RASAL2: variants seen among roughly 807,000 people sequenced by gnomAD.
The protein encoded by RASAL2 is ras GTPase-activating protein nGAP.
In RASAL2, 58 loss-of-function variants were observed where a neutral mutation model predicts 128.9. The observed-to-expected ratio is 0.45, with a 90% CI of 0.36 to 0.56. The LOEUF is 0.56. Among genes scored for constraint, RASAL2 ranks in the 20% least tolerant of loss-of-function variants. The pLI, the probability that RASAL2 is intolerant of heterozygous loss-of-function variation, is 0.00. For missense variants in RASAL2, 1,360 were observed against 1,601.6 expected (o/e 0.85, Z 2.57); for synonymous variants, 561 against 580.8 (o/e 0.97, Z 0.49).
intron 1 of RASAL2, among the ~76,000 whole-genome samples, chr1:178,249,400 A>G: frequency 6.6e-6 from 1 of 151,912 alleles, no homozygotes; most frequent in Admixed American, 6.6e-5. Context: ...CAGGTCATTT[A>G]TGTTCTTCTC....
intron 2 of RASAL2, 43 bp downstream of exon 2, chr1:178,283,734 G>C (rs1571775888): frequency 1.3e-6 from 2 of 1,595,914 alleles, no homozygotes; most frequent in East Asian, 4.5e-5. Context: ...CCTTTTCTGA[G>C]TAAATTCCTG....
intron 1 of RASAL2, among the ~76,000 whole-genome samples, chr1:178,191,375 G>A (rs1161895232): frequency 6.6e-6 from 1 of 151,252 alleles, no homozygotes; most frequent in Non-Finnish European, 1.5e-5. Context: ...ACAAAAACAA[G>A]CCATAATTTT....
At chr1:178,283,786 T>TA in intron 2 of RASAL2, 95 bp downstream of exon 2, 1 of 1,471,424 alleles carries the variant, frequency 6.8e-7, no homozygotes, top group South Asian at 1.2e-5. Context: ...AGTTGGATTA[T>TA]AAAAATAAAG....
chr1:178,269,028 C>G (rs1274708142), intron 1 of RASAL2, among the ~76,000 whole-genome samples: 1 of 152,092 alleles, frequency 6.6e-6, no homozygotes, highest in Non-Finnish European at 1.5e-5. Flanking sequence ...TATGTTGAAG[C>G]CTTCTATCTG....
At chr1:178,348,696 C>CA (rs1670278479) in intron 3 of RASAL2, among the ~76,000 whole-genome samples, 1 of 151,986 alleles carries the variant, frequency 6.6e-6, no homozygotes, top group South Asian at 2.1e-4. Context: ...AAAACAAAAA[C>CA]AAAAAACTCT....
chr1:178,301,037 AG>A lies in RASAL2; in HGVS notation c.457+924del, dbSNP rs530827616. On this transcript the variant is annotated intron_variant, in intron 3 of 17. Coordinates refer to ENST00000367649, the MANE Select transcript of RASAL2 (RefSeq NM_170692.4). ...ATCATGGTTTGGTTTGGGATTTTGG[AG>A]GGGGTTGCCTTTTTCTTCATTTCTA... Among the ~76,000 whole-genome samples the A allele has an allele frequency of 1.4e-4, 21 of 152,240 alleles. No individual in the cohort carries two copies. The South Asian group carries it at 3.9e-3, about 29-fold the overall frequency.
In RASAL2 at chr1:178,256,190, A is replaced by G. The variant is rs186718360; in HGVS notation, c.203-27374A>G. ...ATGTGGGATGTATCCCAGGAATGCT[A>G]GGTTGTTTGAACATAAGAAAATCAA... On this transcript the variant is annotated intron_variant, in intron 1 of 17. Coordinates refer to ENST00000367649, the MANE Select transcript of RASAL2 (RefSeq NM_170692.4). Among the ~76,000 whole-genome samples, 131 of 152,358 alleles carry G rather than the reference A, an allele frequency of 8.6e-4. No individual in the cohort carries two copies. In the Middle Eastern group the frequency reaches 0.01, roughly 12 times the overall value.
chr1:178,210,426 T>G (rs908799279), intron 1 of RASAL2, among the ~76,000 whole-genome samples: 4 of 152,230 alleles, frequency 2.6e-5, no homozygotes, highest in Admixed American at 1.3e-4. Flanking sequence ...CTTCCTTATC[T>G]TTGATTGTGT....
chr1:178,456,773 A>G lies in RASAL2; in HGVS notation c.2264A>G (p.Lys755Arg). The change falls in exon 13 of 18, where the codon AAG becomes AGG. Residue 755 changes from lysine to arginine, a missense_variant. Around this residue, in one of 3 missense-constraint regions of RASAL2, gnomAD observed 741 missense variants for 868.6 expected, o/e 0.85. Coordinates refer to ENST00000367649, the MANE Select transcript of RASAL2 (RefSeq NM_170692.4). ...CCTCGTGTTCTTGCTGATATTACCA[A>G]GTCATTGACTAATCCTACGCCAATA... is the stretch of plus-strand genomic sequence containing the variant. The part of the protein sequence containing the change: ...PLPRVLADIT[K>R]SLTNPTPIQQ... 1 of 1,614,180 alleles carries G rather than the reference A, an allele frequency of 6.2e-7. No individual in the cohort carries two copies.
intron 2 of RASAL2, among the ~76,000 whole-genome samples, chr1:178,292,150 T>C (rs1667308341): frequency 6.6e-6 from 1 of 152,058 alleles, no homozygotes; most frequent in South Asian, 2.1e-4. Flanking sequence ...CCTGCTAAAA[T>C]TATCTAAAAA....
intron 1 of RASAL2, among the ~76,000 whole-genome samples, chr1:178,165,207 GTATC>G (rs943317632): frequency 1.3e-5 from 2 of 151,944 alleles, no homozygotes; most frequent in African/African-American, 4.8e-5. Context: ...ATGTGTGTGT[GTATC>G]TATAGTTACA....
chr1:178,165,027 ATAAT>A (rs1571570847), intron 1 of RASAL2, among the ~76,000 whole-genome samples: 1 of 152,156 alleles, frequency 6.6e-6, no homozygotes, highest in African/African-American at 2.4e-5. Context: ...GTTATTATAA[ATAAT>A]CTAGAGATGA....
At chr1:178,142,690 C>T (rs553531156) in intron 1 of RASAL2, among the ~76,000 whole-genome samples, 1 of 152,298 alleles carries the variant, frequency 6.6e-6, no homozygotes, top group African/African-American at 2.4e-5. Context: ...GTAAGTGATA[C>T]TGTATGCCTA....
At chr1:178,127,508 C>G (rs4596843) in intron 1 of RASAL2, among the ~76,000 whole-genome samples, 1 of 151,948 alleles carries the variant, frequency 6.6e-6, no homozygotes, top group Non-Finnish European at 1.5e-5. Flanking sequence ...AGTGTTTTCT[C>G]TGATTTTTAA....
chr1:178,135,496 T>TAA (rs1207102103), intron 1 of RASAL2, among the ~76,000 whole-genome samples: 67,188 of 116,144 alleles, frequency 0.58, 20,267 homozygotes, highest in East Asian at 0.78. Flanking sequence ...TGTCTCTTCA[T>TAA]AAAAAAAAAA....
rs1235988174 is a variant in RASAL2, at chr1:178,387,744, T to C, written c.458-2356T>C. On this transcript the variant is annotated intron_variant, in intron 3 of 17. Transcript: ENST00000367649. ...GCTGCATAGTATCCCATGGTGTATA[T>C]GTGCCACATTTTCTTAATCCAGTCT... Among the ~76,000 whole-genome samples the C allele has an allele frequency of 2.0e-5, 3 of 152,318 alleles. No individual in the cohort carries two copies. The East Asian group carries it at 5.8e-4, about 29-fold the overall frequency.
At chr1:178,150,886 C>A (rs1205701563) in intron 1 of RASAL2, among the ~76,000 whole-genome samples, 1 of 151,974 alleles carries the variant, frequency 6.6e-6, no homozygotes, top group Non-Finnish European at 1.5e-5. Context: ...AAATAAGCAT[C>A]CTTTTTGCTA....
rs552327166 is a variant in RASAL2, at chr1:178,178,847, A to G, written c.202+84153A>G. Among the ~76,000 whole-genome samples, 235 of 152,312 alleles carry G rather than the reference A, an allele frequency of 1.5e-3. 2 individuals are homozygous for G. The highest frequency in any genetic ancestry group is 2.5e-3 in the Non-Finnish European group (172 of 68,032). On this transcript the variant is annotated intron_variant, in intron 1 of 17. Transcript: ENST00000367649. Reference sequence around the variant, plus strand: ...AATTCTTTTCATTTAAAAATCCTAAAGGACCCGGCACCTCTACTAAAGTTC... The same window carrying G: ...AATTCTTTTCATTTAAAAATCCTAAGGGACCCGGCACCTCTACTAAAGTTC...
At chr1:178,361,404 G>T (rs1416731725) in intron 3 of RASAL2, among the ~76,000 whole-genome samples, 1 of 152,008 alleles carries the variant, frequency 6.6e-6, no homozygotes, top group Admixed American at 6.6e-5. Context: ...AGAAAGGTAT[G>T]AAAACCCTTG....
Sources: allele counts gnomAD v4.1 joint callset (sites outside exome capture counted in the v4.1 genomes callset), GRCh38; gene constraint gnomAD v4.1.1; regional missense constraint gnomAD v4.1.1; transcripts MANE v1.5; gene names NCBI Gene and HGNC (gene_info 2026-07-23, HGNC 2026-07-21).